The following MLLT10 variants were observed in gnomAD, a reference collection of about 807,000 sequenced individuals.
MLLT10 encodes the protein protein AF-10.
MLLT10 carries 30 observed loss-of-function variants against 129.1 expected under a neutral mutation model. The ratio of observed to expected loss-of-function variants is 0.23; its 90% CI spans 0.17 to 0.32. MLLT10 has a LOEUF of 0.32. Among genes scored for constraint, MLLT10 ranks in the 10% least tolerant of loss-of-function variants. The pLI is 1.00. For missense variants in MLLT10, 1,119 were observed against 1,268.3 expected, an observed-to-expected ratio of 0.88 and a Z score of 1.79; for synonymous variants, 490 against 446.4, an observed-to-expected ratio of 1.10 and a Z score of -1.23.
intron 8 of MLLT10, among the ~76,000 whole-genome samples, chr10:21,623,511 C>T (rs1325684322): frequency 6.6e-6 from 1 of 152,166 alleles, no homozygotes; most frequent in Non-Finnish European, 1.5e-5. Flanking sequence ...AAGTTCTGTG[C>T]CAGAAACTGG....
Position 21,699,131 on chromosome 10 carries a change from T to C in MLLT10, c.1700-14641T>C, listed in dbSNP as rs185756637. 3.3e-3 allele frequency among the ~76,000 whole-genome samples: 505 copies of C among 152,266 alleles called. 2 individuals are homozygous for C. The highest frequency in any genetic ancestry group is 0.012 in the African/African-American group (487 of 41,562). On this transcript the variant is annotated intron_variant, in intron 13 of 22. Transcript: ENST00000307729. ...CTCAGGTGATCCACCCGCCTCGGCCTCCCAAAGTGCTGGGATTACAGGTGT... is the reference window on the plus strand; with the variant it reads ...CTCAGGTGATCCACCCGCCTCGGCCCCCCAAAGTGCTGGGATTACAGGTGT...
Position 21,742,188 on chromosome 10 carries a change from CT to C in MLLT10, c.*206del. 2.2e-6 allele frequency: 1 copy of C among 458,372 alleles called. No homozygotes were observed. Among genetic ancestry groups the C allele is most frequent in the Non-Finnish European group, 3.8e-6 (1 of 261,504 alleles). 28.4% of individuals were successfully genotyped at this position (458,372 alleles called of 1,614,324 possible). A position where few individuals can be genotyped will look rare whatever the true frequency, so the allele number is the denominator to read the frequency against. ...GCACTGAAATGGAATTCCCATGCCC[CT>C]ACCCCTTACCCCAGTTTTTTGAACA... On this transcript the variant is annotated 3_prime_UTR_variant, in exon 23 of 23. Transcript: ENST00000307729.
intron 14 of MLLT10, among the ~76,000 whole-genome samples, chr10:21,725,914 C>G (rs909441847): frequency 1.3e-5 from 2 of 151,712 alleles, no homozygotes; most frequent in Non-Finnish European, 2.9e-5. Flanking sequence ...CCATGCACGG[C>G]TAATTTTTTG....
intron 13 of MLLT10, among the ~76,000 whole-genome samples, chr10:21,712,406 C>T (rs1367200495): frequency 6.6e-6 from 1 of 152,062 alleles, no homozygotes; most frequent in Non-Finnish European, 1.5e-5. Context: ...GAGACAATAT[C>T]TCCCTTTGTT....
chr10:21,662,027 C>G (rs903960102), intron 9 of MLLT10, among the ~76,000 whole-genome samples: 1 of 151,660 alleles, frequency 6.6e-6, no homozygotes. Context: ...TTCACCCTCT[C>G]ATCACACTTT....
intron 9 of MLLT10, among the ~76,000 whole-genome samples, chr10:21,670,137 A>G (rs1432523419): frequency 2.0e-5 from 3 of 152,208 alleles, no homozygotes; most frequent in Non-Finnish European, 4.4e-5. Context: ...TGCTTGACAA[A>G]TGAGTATCTT....
intron 11 of MLLT10, among the ~76,000 whole-genome samples, chr10:21,679,063 G>GGGAACT (rs2052479302): frequency 3.3e-5 from 5 of 152,166 alleles, no homozygotes; most frequent in Non-Finnish European, 5.9e-5. Context: ...GATCAAATTA[G>GGGAACT]AGTAGAAGCC....
chr10:21,712,058 A>AT (rs2056142768), intron 13 of MLLT10, among the ~76,000 whole-genome samples: 1 of 152,086 alleles, frequency 6.6e-6, no homozygotes. Flanking sequence ...TAAATATATC[A>AT]TTTTTCTGGA....
At chr10:21,617,742 A>G (rs528887234) in intron 8 of MLLT10, among the ~76,000 whole-genome samples, 48 of 152,144 alleles carry the variant, frequency 3.2e-4, no homozygotes, top group Non-Finnish European at 6.2e-4. Context: ...TCTTTTTCTG[A>G]CTTGCCTGTT....
intron 3 of MLLT10, chr10:21,556,783 C>T (rs747186217): frequency 6.3e-7 from 1 of 1,592,978 alleles, no homozygotes; most frequent in East Asian, 2.3e-5. Context: ...TGATGCATTG[C>T]TTTTGGGCTT....
At chr10:21,574,105 A>G (rs2040490041) in intron 3 of MLLT10, among the ~76,000 whole-genome samples, 1 of 152,204 alleles carries the variant, frequency 6.6e-6, no homozygotes. Context: ...CAGTGAAAAA[A>G]TCTGAGTCTA....
chr10:21,556,704 A>G (rs754344733), intron 3 of MLLT10: 1 of 1,612,602 alleles, frequency 6.2e-7, no homozygotes, highest in South Asian at 1.1e-5. Context: ...TACATAGAAC[A>G]TCACTGCGCA....
intron 14 of MLLT10, among the ~76,000 whole-genome samples, chr10:21,719,713 A>T (rs139388650): frequency 6.6e-6 from 1 of 152,122 alleles, no homozygotes; most frequent in Non-Finnish European, 1.5e-5. Flanking sequence ...CATATGTAAA[A>T]TGGGAATACT....
intron 3 of MLLT10, among the ~76,000 whole-genome samples, chr10:21,560,834 A>T (rs931757770): frequency 1.3e-5 from 2 of 152,180 alleles, no homozygotes; most frequent in Non-Finnish European, 2.9e-5. Flanking sequence ...GTCATTAGTG[A>T]TACAAGCATC....
rs938751924 is a variant in MLLT10 at position 21,616,996 on chromosome 10, A to C, written c.604-116A>C. ...TTATATAGATTGAAATAGACTTAAA[A>C]ATTTCAGTAGACATTAAAAATACTT... is the stretch of plus-strand genomic sequence containing the variant. On this transcript the variant is annotated intron_variant, in intron 7 of 22. Coordinates refer to ENST00000307729, the MANE Select transcript of MLLT10 (RefSeq NM_001195626.3). 52 of 378,998 alleles carry C rather than the reference A, an allele frequency of 1.4e-4. No individual in the cohort carries two copies. The Admixed American group carries it at 2.1e-3, about 15-fold the overall frequency. The allele number at this position is 378,998 out of a possible 1,614,324, so 23.5% of individuals were successfully genotyped here. A position where few individuals can be genotyped will look rare whatever the true frequency, so the allele number is the denominator to read the frequency against.
intron 5 of MLLT10, among the ~76,000 whole-genome samples, chr10:21,611,035 T>C (rs2044589906): frequency 6.7e-6 from 1 of 149,266 alleles, no homozygotes; most frequent in Non-Finnish European, 1.5e-5. Context: ...TCTCTCTTGT[T>C]GCCCAGCCTG....
intron 5 of MLLT10, among the ~76,000 whole-genome samples, chr10:21,611,674 G>T (rs113366458): frequency 6.6e-6 from 1 of 151,918 alleles, no homozygotes; most frequent in Non-Finnish European, 1.5e-5. Context: ...TTAATATTGC[G>T]TATTAGTTAC....
intron 3 of MLLT10, among the ~76,000 whole-genome samples, chr10:21,552,607 G>C (rs538910319): frequency 1.3e-5 from 2 of 151,746 alleles, no homozygotes; most frequent in Non-Finnish European, 2.9e-5. Context: ...GGCCAGGCTG[G>C]TCTCGATCTC....
intron 11 of MLLT10, among the ~76,000 whole-genome samples, chr10:21,675,209 A>G (rs940922125): frequency 3.3e-5 from 5 of 152,242 alleles, no homozygotes; most frequent in African/African-American, 1.2e-4. Flanking sequence ...CTTTGTATTC[A>G]GAAATGAGTG....
Sources: gnomAD v4.1 joint callset for allele counts (sites outside exome capture counted in the v4.1 genomes callset) on GRCh38, gnomAD v4.1.1 for gene constraint, MANE v1.5 for transcripts, NCBI Gene and HGNC (gene_info 2026-07-23, HGNC 2026-07-21) for gene names.